PABPC4L: variants seen among roughly 807,000 people sequenced by gnomAD.
The protein encoded by PABPC4L is polyadenylate-binding protein 4-like.
For missense variants in PABPC4L, 452 were observed against 451.4 expected (o/e 1.00, Z -0.01); for synonymous variants, 169 against 164.1 (o/e 1.03, Z -0.23).
chr4:134,024,811 C>CTT, the PABPC4L span, among the ~76,000 whole-genome samples: 10 of 124,384 alleles, frequency 8.0e-5, no homozygotes, highest in African/African-American at 8.8e-5. Flanking sequence ...AATAAACTAG[C>CTT]TTTTTTTTTT....
At chr4:134,065,148 T>A in the PABPC4L span, among the ~76,000 whole-genome samples, 1 of 152,068 alleles carries the variant, frequency 6.6e-6, no homozygotes, top group Non-Finnish European at 1.5e-5. Flanking sequence ...AATTCTGTTT[T>A]AAGTTCTTCG....
chr4:134,055,524 T>A, the PABPC4L span, among the ~76,000 whole-genome samples: 12 of 151,884 alleles, frequency 7.9e-5, no homozygotes, highest in African/African-American at 1.7e-4. Flanking sequence ...AATGAAAAAA[T>A]TTTTTTCTAT....
At chr4:134,086,720 C>CTTTT in the PABPC4L span, among the ~76,000 whole-genome samples, 4 of 115,654 alleles carry the variant, frequency 3.5e-5, no homozygotes, top group Admixed American at 3.4e-4. Flanking sequence ...GCTTGAAAGT[C>CTTTT]TTTTTTTTTT....
chr4:134,163,653 A>T, the PABPC4L span, among the ~76,000 whole-genome samples: 1 of 152,200 alleles, frequency 6.6e-6, no homozygotes, highest in East Asian at 1.9e-4. Flanking sequence ...TAATTACCAT[A>T]ATCAAGTGGG....
the PABPC4L span, among the ~76,000 whole-genome samples, chr4:134,156,636 T>C: frequency 6.6e-6 from 1 of 151,884 alleles, no homozygotes; most frequent in Non-Finnish European, 1.5e-5. Context: ...GGAAATTATA[T>C]TAGAATGGGG....
chr4:133,995,097 G>A, the PABPC4L span, among the ~76,000 whole-genome samples: 6 of 152,274 alleles, frequency 3.9e-5, no homozygotes, highest in East Asian at 1.9e-4. Context: ...AGTTTGGAGC[G>A]GGGCCTGGGG....
At chr4:134,147,202 G>C in the PABPC4L span, among the ~76,000 whole-genome samples, 3 of 151,974 alleles carry the variant, frequency 2.0e-5, no homozygotes, top group Non-Finnish European at 4.4e-5. Flanking sequence ...ACAACTCATA[G>C]TTTCGTATTT....
the PABPC4L span, among the ~76,000 whole-genome samples, chr4:134,143,038 G>A: frequency 2.0e-5 from 3 of 151,532 alleles, no homozygotes; most frequent in East Asian, 5.8e-4. Context: ...TTACATGGCA[G>A]TAAGGGAATC....
chr4:134,165,899 G>A, the PABPC4L span, among the ~76,000 whole-genome samples: 2 of 152,152 alleles, frequency 1.3e-5, no homozygotes, highest in Non-Finnish European at 2.9e-5. Flanking sequence ...ATCAACTGAT[G>A]AGTGGATTAA....
chr4:134,006,654 G>A, the PABPC4L span, among the ~76,000 whole-genome samples: 1 of 151,768 alleles, frequency 6.6e-6, no homozygotes, highest in African/African-American at 2.4e-5. Flanking sequence ...GGGTAGGCAG[G>A]CTTCTCTGGA....
the PABPC4L span, among the ~76,000 whole-genome samples, chr4:134,056,696 G>A: frequency 2.6e-5 from 4 of 151,748 alleles, no homozygotes; most frequent in African/African-American, 9.7e-5. Context: ...TTTACTACTA[G>A]TACTTAGAAA....
chr4:134,163,945 C>G, the PABPC4L span, among the ~76,000 whole-genome samples: 1 of 152,042 alleles, frequency 6.6e-6, no homozygotes, highest in Admixed American at 6.6e-5. Flanking sequence ...GACAGAGATG[C>G]CCACTTTTAC....
chr4:134,157,639 T>C, the PABPC4L span, among the ~76,000 whole-genome samples: 1 of 151,892 alleles, frequency 6.6e-6, no homozygotes, highest in East Asian at 1.9e-4. Context: ...ATTTCATCAT[T>C]ATATAATCTA....
chr4:134,045,663 G>A, the PABPC4L span, among the ~76,000 whole-genome samples: 355 of 152,210 alleles, frequency 2.3e-3, 2 homozygotes, highest in African/African-American at 8.2e-3. Flanking sequence ...CAGAAACTAT[G>A]TTCTTTTGTG....
At chr4:134,033,423 A>G in the PABPC4L span, among the ~76,000 whole-genome samples, 5 of 151,884 alleles carry the variant, frequency 3.3e-5, no homozygotes, top group Admixed American at 2.6e-4. Context: ...GAAGAGTTGC[A>G]TATATTTCAC....
At chr4:134,048,729 T>C in the PABPC4L span, among the ~76,000 whole-genome samples, 2 of 152,104 alleles carry the variant, frequency 1.3e-5, no homozygotes, top group Non-Finnish European at 2.9e-5. Flanking sequence ...TTTTCAACAT[T>C]AAACAAAAAC....
At chr4:134,021,563 C>T in the PABPC4L span, among the ~76,000 whole-genome samples, 1 of 152,070 alleles carries the variant, frequency 6.6e-6, no homozygotes. Flanking sequence ...AGCTGTTATC[C>T]TAAAAAATGA....
chr4:134,056,279 C>A, the PABPC4L span, among the ~76,000 whole-genome samples: 1 of 151,948 alleles, frequency 6.6e-6, no homozygotes, highest in Non-Finnish European at 1.5e-5. Flanking sequence ...GTGTTTCCCC[C>A]TATTTTATAC....
At chr4:133,952,396 A>G in the PABPC4L span, among the ~76,000 whole-genome samples, 2 of 151,564 alleles carry the variant, frequency 1.3e-5, no homozygotes, top group Non-Finnish European at 2.9e-5. Context: ...AGGAGGCCAT[A>G]GGGGTCAGGC....
Sources: gnomAD v4.1 joint callset for allele counts (sites outside exome capture counted in the v4.1 genomes callset) on GRCh38, gnomAD v4.1.1 for gene constraint, MANE v1.5 for transcripts, NCBI Gene and HGNC (gene_info 2026-07-23, HGNC 2026-07-21) for gene names.